The following TRPM7 variants were observed in gnomAD, a reference collection of about 807,000 sequenced individuals.
TRPM7 encodes the protein LTRPC ion channel family member 7.
TRPM7 carries 134 observed loss-of-function variants against 229.7 expected under a neutral mutation model. That is an observed-to-expected ratio of 0.58 (90% confidence interval 0.51 to 0.67). TRPM7 has a LOEUF of 0.67. Among genes scored for constraint, TRPM7 ranks in the 30% least tolerant of loss-of-function variants. TRPM7 has a pLI of 0.00. For synonymous variants in TRPM7, 699 were observed against 715.2 expected (o/e 0.98, Z 0.36); for missense variants, 1,901 against 2,210.0 (o/e 0.86, Z 2.80).
In TRPM7 at chr15:50,574,946, C is replaced by G; in HGVS notation, c.4925G>C (p.Gly1642Ala). The change falls in exon 34 of 39, where the codon GGG (glycine) becomes GCG (alanine). Residue 1642 changes from glycine (G) to alanine (A), a missense_variant. Gly to Ala is a moderately conservative substitution (Grantham distance 60). This residue lies in a region of TRPM7 where 257 missense variants were observed against 352.0 expected (regional missense o/e 0.73). Transcript: ENST00000646667. ...TWSEHDILKS[G>A]HLYIIKSFLP... is the part of the protein sequence containing the mutation. ...AAAAGATTTGATAATATAAAGATGCCCTGATTTGAGGATATCATGTTCTGA... is the reference window on the plus strand; with the variant it reads ...AAAAGATTTGATAATATAAAGATGCGCTGATTTGAGGATATCATGTTCTGA... 1 of 1,613,992 alleles carries G rather than the reference C, an allele frequency of 6.2e-7. No individual in the cohort carries two copies. The highest frequency in any genetic ancestry group is 8.5e-7 in the Non-Finnish European group (1 of 1,179,950).
At chr15:50,600,785 C>T (rs933903722) in intron 21 of TRPM7, among the ~76,000 whole-genome samples, 1 of 152,262 alleles carries the variant, frequency 6.6e-6, no homozygotes, top group Non-Finnish European at 1.5e-5. Flanking sequence ...TAGATAGCTG[C>T]GAGTCTTAAA....
intron 8 of TRPM7, among the ~76,000 whole-genome samples, chr15:50,633,822 A>C (rs943845109): frequency 6.6e-6 from 1 of 152,240 alleles, no homozygotes; most frequent in African/African-American, 2.4e-5. Flanking sequence ...ACGTTAAAAG[A>C]TAAGTGCCTC....
intron 19 of TRPM7, among the ~76,000 whole-genome samples, chr15:50,608,052 C>CAAAAA (rs570861548): frequency 5.3e-5 from 4 of 76,004 alleles, no homozygotes; most frequent in East Asian, 3.4e-4. Flanking sequence ...GAGACTCTGT[C>CAAAAA]AAAAAAAAAA....
chr15:50,635,113 C>G lies in TRPM7; in HGVS notation c.833-557G>C, dbSNP rs536408103. Among the ~76,000 whole-genome samples, 26 of 151,540 alleles carry G rather than the reference C, an allele frequency of 1.7e-4. No homozygotes were observed. The South Asian group carries it at 3.3e-3, about 19-fold the overall frequency. ...TGGACGGATCACAAGGTCAGGAGAT[C>G]AAGACCATCCTGGCTAACACAGTGA... On this transcript the variant is annotated intron_variant, in intron 7 of 38. Transcript: ENST00000646667.
rs16963788 is a variant in TRPM7, at chr15:50,593,880, T to G, written c.3476-131A>C. Reference sequence around the variant, plus strand: ...TCTGCACTTTTTAAACTTTTACTACTATGCTTCTAAAGCACTAGACAATTA... The same window carrying G: ...TCTGCACTTTTTAAACTTTTACTACGATGCTTCTAAAGCACTAGACAATTA... On this transcript the variant is annotated intron_variant, in intron 24 of 38. Transcript: ENST00000646667. 6,424 of 851,114 alleles carry G rather than the reference T, an allele frequency of 7.5e-3. 336 individuals carry two copies. The African/African-American group carries it at 0.1, about 13-fold the overall frequency. 52.7% of individuals were successfully genotyped at this position (851,114 alleles called of 1,614,324 possible).
At chr15:50,647,097 A>G (rs1220594433) in intron 4 of TRPM7, among the ~76,000 whole-genome samples, 2 of 152,238 alleles carry the variant, frequency 1.3e-5, no homozygotes, top group Non-Finnish European at 2.9e-5. Context: ...TAACAAGTTA[A>G]AAATGCATTT....
chr15:50,611,811 C>G (rs756012969), intron 16 of TRPM7, among the ~76,000 whole-genome samples: 1 of 152,210 alleles, frequency 6.6e-6, no homozygotes, highest in Non-Finnish European at 1.5e-5. Context: ...CTAAATACCC[C>G]ACTTGGGGAG....
chr15:50,576,447 G>A (rs993924648), intron 31 of TRPM7, among the ~76,000 whole-genome samples: 7 of 152,138 alleles, frequency 4.6e-5, no homozygotes, highest in Admixed American at 1.3e-4. Flanking sequence ...GAAACCTACT[G>A]TCTTGCAGGA....
At chr15:50,672,745 A>T (rs764711490) in intron 1 of TRPM7, among the ~76,000 whole-genome samples, 1 of 151,706 alleles carries the variant, frequency 6.6e-6, no homozygotes, top group African/African-American at 2.4e-5. Context: ...CCCCATCACT[A>T]CTAAAAATAT....
chr15:50,660,516 G>A (rs569272739), intron 2 of TRPM7, among the ~76,000 whole-genome samples: 7 of 152,220 alleles, frequency 4.6e-5, no homozygotes, highest in South Asian at 2.1e-4. Flanking sequence ...TTAAGTGGGC[G>A]TGGTAGCGCA....
intron 1 of TRPM7, among the ~76,000 whole-genome samples, chr15:50,674,746 A>G (rs1212918639): frequency 6.6e-6 from 1 of 152,132 alleles, no homozygotes; most frequent in Non-Finnish European, 1.5e-5. Flanking sequence ...TTTGTCTGGG[A>G]AAATCTTCAA....
chr15:50,584,037 A>G (rs2054562192), intron 28 of TRPM7, among the ~76,000 whole-genome samples: 1 of 152,206 alleles, frequency 6.6e-6, no homozygotes, highest in Admixed American at 6.5e-5. Flanking sequence ...GCAATGAATA[A>G]TCCTTTTCCC....
At chr15:50,665,196 C>T (rs2011049) in intron 1 of TRPM7, among the ~76,000 whole-genome samples, 22,339 of 151,732 alleles carry the variant, frequency 0.15, 2,214 homozygotes, top group Admixed American at 0.28. Context: ...GCCAGGAGTT[C>T]GAGACCAGCC....
rs1357896448 is a variant in TRPM7 at position 50,570,164 on chromosome 15, G to A, written c.5309-9C>T. 1.3e-6 allele frequency: 2 copies of A among 1,576,806 alleles called. No homozygotes were observed. The highest frequency in any genetic ancestry group is 2.7e-5 in the African/African-American group (2 of 73,472). On this transcript the variant is annotated splice_polypyrimidine_tract_variant and intron_variant, in intron 36 of 38. Coordinates refer to ENST00000646667, the MANE Select transcript of TRPM7 (RefSeq NM_017672.6). Reference sequence around the variant, plus strand: ...CAAATTTTCACCAACACCTTTATATGTGTATATAAAAAAGACAAATAATTT... The same window carrying A: ...CAAATTTTCACCAACACCTTTATATATGTATATAAAAAAGACAAATAATTT...
chr15:50,608,778 A>T (rs1262048193), intron 19 of TRPM7, among the ~76,000 whole-genome samples: 1 of 152,214 alleles, frequency 6.6e-6, no homozygotes, highest in African/African-American at 2.4e-5. Flanking sequence ...AAACATCTTC[A>T]TTAAGGGTTT....
In TRPM7 at chr15:50,679,538, A is replaced by ATATTTTTT. The variant is rs1400383980; in HGVS notation, c.3+6992_3+6993insAAAAAATA. Among the ~76,000 whole-genome samples, 8 of 43,898 alleles carry ATATTTTTT rather than the reference A, an allele frequency of 1.8e-4. 1 individual carries two copies. The highest frequency in any genetic ancestry group is 8.6e-4 in the African/African-American group (8 of 9,300). 28.8% of individuals were successfully genotyped at this position (43,898 alleles called of 152,430 possible). ...TATATATATATATATATATATATATATTTTTTTTTTTTTTTGAGACAGAGT... is the reference window on the plus strand; with the variant it reads ...TATATATATATATATATATATATATATATTTTTTTTTTTTTTTTTTTTTGAGACAGAGT... On this transcript the variant is annotated intron_variant, in intron 1 of 38. Coordinates refer to ENST00000646667, the MANE Select transcript of TRPM7 (RefSeq NM_017672.6).
intron 7 of TRPM7, among the ~76,000 whole-genome samples, chr15:50,635,040 G>A (rs910825709): frequency 6.6e-6 from 1 of 151,960 alleles, no homozygotes; most frequent in Non-Finnish European, 1.5e-5. Context: ...AGTCTTGGCC[G>A]GGCGTGGTGG....
chr15:50,594,863 AAAAT>A (rs753533343), intron 23 of TRPM7, among the ~76,000 whole-genome samples: 1 of 152,182 alleles, frequency 6.6e-6, no homozygotes, highest in Non-Finnish European at 1.5e-5. Flanking sequence ...AAGACATAAG[AAAAT>A]ACTCAGACTT....
At chr15:50,587,533 G>A (rs1020994143) in intron 27 of TRPM7, among the ~76,000 whole-genome samples, 1 of 150,230 alleles carries the variant, frequency 6.7e-6, no homozygotes, top group Non-Finnish European at 1.5e-5. Context: ...TTATCAAGGA[G>A]TACCTGCCAC....
Sources: allele counts gnomAD v4.1 joint callset (sites outside exome capture counted in the v4.1 genomes callset), GRCh38; gene constraint gnomAD v4.1.1; regional missense constraint gnomAD v4.1.1; transcripts MANE v1.5; gene names NCBI Gene and HGNC (gene_info 2026-07-23, HGNC 2026-07-21).